The following CDKAL1 variants were observed in gnomAD, a reference collection of about 807,000 sequenced individuals.
CDKAL1 encodes the protein CDKAL1 threonylcarbamoyladenosine tRNA methylthiotransferase, also known as threonylcarbamoyladenosine tRNA methylthiotransferase.
A neutral mutation model predicts 68.2 loss-of-function variants in CDKAL1; 32 were observed. That is an observed-to-expected ratio of 0.47 (90% confidence interval 0.35 to 0.63). The LOEUF is 0.63. Among genes scored for constraint, CDKAL1 ranks in the 30% least tolerant of loss-of-function variants. The pLI, the probability that CDKAL1 is intolerant of heterozygous loss-of-function variation, is 0.00. For missense variants in CDKAL1, 606 were observed against 696.7 expected, an observed-to-expected ratio of 0.87 and a Z score of 1.47; for synonymous variants, 234 against 244.3, an observed-to-expected ratio of 0.96 and a Z score of 0.39.
chr6:20,639,795 C>T (rs1190981717), intron 4 of CDKAL1, among the ~76,000 whole-genome samples: 10 of 152,104 alleles, frequency 6.6e-5, no homozygotes, highest in Admixed American at 5.9e-4. Flanking sequence ...CTCAGCCTCC[C>T]GAGTAGCTGG....
At chr6:20,679,500 G>C (rs1770277687) in intron 5 of CDKAL1, among the ~76,000 whole-genome samples, 1 of 152,110 alleles carries the variant, frequency 6.6e-6, no homozygotes, top group Admixed American at 6.5e-5. Flanking sequence ...ATGTAGCAAT[G>C]AGCTCATTAT....
At chr6:20,537,396 TG>T (rs1044242824) in intron 2 of CDKAL1, among the ~76,000 whole-genome samples, 2 of 152,048 alleles carry the variant, frequency 1.3e-5, no homozygotes, top group Non-Finnish European at 2.9e-5. Flanking sequence ...CACCTGAGGT[TG>T]GGAGTTCAAG....
In CDKAL1 at chr6:20,779,637, C is replaced by T. The variant is rs551427609; in HGVS notation, c.518-1508C>T. ...TCTCGCTGTGTCACCCAGGTTGTAGCGCAGTGGCGTGATCTTGGCTCACTG... is the reference window on the plus strand; with the variant it reads ...TCTCGCTGTGTCACCCAGGTTGTAGTGCAGTGGCGTGATCTTGGCTCACTG... On this transcript the variant is annotated intron_variant, in intron 7 of 15. Coordinates refer to ENST00000274695, the MANE Select transcript of CDKAL1 (RefSeq NM_017774.3). 1.2e-4 allele frequency among the ~76,000 whole-genome samples: 18 copies of T among 152,240 alleles called. No individual in the cohort carries two copies. The South Asian group carries it at 2.5e-3, about 21-fold the overall frequency.
chr6:20,645,768 AATTTT>A (rs143684160), intron 4 of CDKAL1, among the ~76,000 whole-genome samples: 57,167 of 148,696 alleles, frequency 0.38, 11,590 homozygotes, highest in Admixed American at 0.47. Context: ...ATAAATAAAT[AATTTT>A]ATTTTATTTA....
chr6:20,917,173 G>A (rs1381843174), intron 9 of CDKAL1, among the ~76,000 whole-genome samples: 3 of 152,056 alleles, frequency 2.0e-5, no homozygotes, highest in African/African-American at 7.2e-5. Context: ...TAGAGATGTG[G>A]TTTCACCATG....
At chr6:20,995,591 G>T (rs1767059201) in intron 10 of CDKAL1, among the ~76,000 whole-genome samples, 1 of 152,138 alleles carries the variant, frequency 6.6e-6, no homozygotes, top group African/African-American at 2.4e-5. Context: ...CTGAGCAGTA[G>T]GTCTCGATAG....
intron 13 of CDKAL1, among the ~76,000 whole-genome samples, chr6:21,125,082 G>T (rs1220104895): frequency 4.0e-5 from 6 of 151,884 alleles, no homozygotes; most frequent in Non-Finnish European, 8.8e-5. Flanking sequence ...ATATTGTTTG[G>T]CTGTGTCCCC....
intron 5 of CDKAL1, among the ~76,000 whole-genome samples, chr6:20,689,626 T>C (rs1011432397): frequency 3.3e-5 from 5 of 152,246 alleles, no homozygotes; most frequent in African/African-American, 7.2e-5. Context: ...GTAATGTTCA[T>C]TTCATGAGTA....
chr6:21,100,893 A>T (rs1292085282), intron 12 of CDKAL1, among the ~76,000 whole-genome samples: 1 of 152,220 alleles, frequency 6.6e-6, no homozygotes, highest in East Asian at 1.9e-4. Flanking sequence ...TGATATTGTC[A>T]AGTGCTTTTA....
intron 5 of CDKAL1, among the ~76,000 whole-genome samples, chr6:20,720,882 T>G (rs960644560): frequency 5.9e-5 from 9 of 152,236 alleles, no homozygotes; most frequent in Non-Finnish European, 1.2e-4. Context: ...TGTGCCTGCC[T>G]TATTTCACTT....
Position 20,546,523 on chromosome 6 carries a change from G to C in CDKAL1, c.173G>C (p.Ser58Thr). The stretch of plus-strand genomic sequence containing the variant: ...GAAGAAAACAGTCCACCAAGTGACA[G>C]GTAAGCTTTTTTCCTTGAAATTATA... ...QEEENSPPSD[S>T]TIPGIQKIWI... The change falls in exon 3 of 16, where the codon AGC (serine) becomes ACC (threonine). Residue 58 changes from serine (S) to threonine (T), a missense_variant and splice_region_variant. Coordinates refer to ENST00000274695, the MANE Select transcript of CDKAL1 (RefSeq NM_017774.3). The C allele has an allele frequency of 6.2e-7, 1 of 1,611,064 alleles. No homozygotes were observed. The highest frequency in any genetic ancestry group is 8.5e-7 in the Non-Finnish European group (1 of 1,178,856).
At chr6:20,749,473 A>G (rs1296492128) in intron 6 of CDKAL1, among the ~76,000 whole-genome samples, 1 of 152,054 alleles carries the variant, frequency 6.6e-6, no homozygotes, top group Non-Finnish European at 1.5e-5. Flanking sequence ...CTACCTATTC[A>G]GTAAGTTTAA....
At chr6:20,608,630 G>A (rs1224339182) in intron 4 of CDKAL1, among the ~76,000 whole-genome samples, 1 of 152,142 alleles carries the variant, frequency 6.6e-6, no homozygotes, top group Non-Finnish European at 1.5e-5. Context: ...GTGAGCATGG[G>A]ATAAATGCGA....
chr6:21,179,367 A>G (rs1241956700), intron 13 of CDKAL1, among the ~76,000 whole-genome samples: 1 of 152,202 alleles, frequency 6.6e-6, no homozygotes, highest in Non-Finnish European at 1.5e-5. Flanking sequence ...GCCTTATTTA[A>G]CCTCAAGACT....
At chr6:21,003,295 CAGGAGTT>C in intron 11 of CDKAL1, among the ~76,000 whole-genome samples, 1 of 142,744 alleles carries the variant, frequency 7.0e-6, no homozygotes, top group African/African-American at 2.6e-5. Context: ...CACCTGAGGT[CAGGAGTT>C]TAAGACCAGC....
chr6:21,199,272 A>G (rs1197282263), intron 14 of CDKAL1, among the ~76,000 whole-genome samples: 1 of 152,188 alleles, frequency 6.6e-6, no homozygotes, highest in African/African-American at 2.4e-5. Context: ...GAATCATCTC[A>G]GACTGGGCAG....
chr6:20,621,202 A>T (rs1767176367), intron 4 of CDKAL1, among the ~76,000 whole-genome samples: 1 of 152,168 alleles, frequency 6.6e-6, no homozygotes. Flanking sequence ...TTTTTAAGGA[A>T]TCCAGGTGTC....
chr6:20,803,222 A>G lies in CDKAL1; in HGVS notation c.638+21957A>G, dbSNP rs534930948. Reference sequence around the variant, plus strand: ...TTATTAGGAAGATTACCAACTCCTTAGGGTGGTATAAGAGTCCCATGGCTT... The same window carrying G: ...TTATTAGGAAGATTACCAACTCCTTGGGGTGGTATAAGAGTCCCATGGCTT... On this transcript the variant is annotated intron_variant, in intron 8 of 15. Transcript: ENST00000274695. 3.3e-5 allele frequency among the ~76,000 whole-genome samples: 5 copies of G among 152,312 alleles called. No homozygotes were observed. In the South Asian group the frequency reaches 1.0e-3, roughly 32 times the overall value.
intron 7 of CDKAL1, among the ~76,000 whole-genome samples, chr6:20,765,543 A>G (rs1252597772): frequency 6.6e-6 from 1 of 152,150 alleles, no homozygotes; most frequent in Non-Finnish European, 1.5e-5. Context: ...TAACAATAGG[A>G]TTGCAGCTTT....
Sources: allele counts gnomAD v4.1 joint callset (sites outside exome capture counted in the v4.1 genomes callset), GRCh38; gene constraint gnomAD v4.1.1; transcripts MANE v1.5; gene names NCBI Gene and HGNC (gene_info 2026-07-23, HGNC 2026-07-21).